The following SAMD5 variants were observed in gnomAD, a reference collection of about 807,000 sequenced individuals.
SAMD5 encodes sterile alpha motif domain-containing protein 5.
In SAMD5, 13 loss-of-function variants were observed where a neutral mutation model predicts 11.3. The observed-to-expected ratio is 1.15, with a 90% CI of 0.75 to 1.83. The LOEUF (loss-of-function observed/expected upper bound fraction) is 1.83, where lower values mean the gene tolerates loss of function less well. Ranked by LOEUF, SAMD5 falls within the 40% of genes most tolerant of loss-of-function variation. SAMD5 has a pLI of 0.00. For synonymous variants in SAMD5, 129 were observed against 111.3 expected (o/e 1.16, Z -1.00); for missense variants, 255 against 239.1 (o/e 1.07, Z -0.44).
At chr6:147,756,053 A>T in the SAMD5 span, among the ~76,000 whole-genome samples, 1 of 152,140 alleles carries the variant, frequency 6.6e-6, no homozygotes, top group African/African-American at 2.4e-5. Context: ...ATTTGCCAGA[A>T]TTTTGGAAAG....
At chr6:147,800,326 C>T in the SAMD5 span, among the ~76,000 whole-genome samples, 45 of 152,284 alleles carry the variant, frequency 3.0e-4, 1 homozygote, top group East Asian at 6.6e-3. Context: ...GAGTACCCTG[C>T]AGTGTGAGGT....
rs79820972 is a variant in SAMD5 at position 147,632,789 on chromosome 6, T to A, written c.163-104528T>A. On this transcript the variant is annotated intron_variant, in intron 1 of 1. Coordinates refer to the SAMD5 transcript ENST00000566741. Reference sequence around the variant, plus strand: ...CCTTAAAAATAATATTATTTTTCCATGGCAGTTGTTAGATTAGTACTACTT... The same window carrying A: ...CCTTAAAAATAATATTATTTTTCCAAGGCAGTTGTTAGATTAGTACTACTT... Among the ~76,000 whole-genome samples the A allele has an allele frequency of 6.8e-3, 1,037 of 152,340 alleles. 11 individuals carry two copies. The highest frequency in any genetic ancestry group is 0.023 in the African/African-American group (973 of 41,574).
the SAMD5 span, among the ~76,000 whole-genome samples, chr6:147,905,111 C>A: frequency 6.6e-6 from 1 of 152,138 alleles, no homozygotes; most frequent in African/African-American, 2.4e-5. Context: ...TGGTCTCGAA[C>A]TCCCGACCTC....
At chr6:147,815,134 G>A in the SAMD5 span, among the ~76,000 whole-genome samples, 6 of 152,310 alleles carry the variant, frequency 3.9e-5, no homozygotes, top group South Asian at 2.1e-4. Context: ...AGGCAGTAAA[G>A]CAAGACCTCA....
the SAMD5 span, among the ~76,000 whole-genome samples, chr6:147,777,631 T>C: frequency 6.6e-6 from 1 of 152,228 alleles, no homozygotes; most frequent in Non-Finnish European, 1.5e-5. Context: ...CTTTCAAAAC[T>C]TTTTATCACC....
At chr6:147,830,328 C>T in the SAMD5 span, among the ~76,000 whole-genome samples, 1 of 135,998 alleles carries the variant, frequency 7.4e-6, no homozygotes, top group Non-Finnish European at 1.5e-5. Flanking sequence ...GCAATCTTGG[C>T]TCACTGCAAC....
the SAMD5 span, among the ~76,000 whole-genome samples, chr6:147,907,408 A>G: frequency 6.6e-6 from 1 of 151,760 alleles, no homozygotes; most frequent in Non-Finnish European, 1.5e-5. Context: ...TGTCCCCCAT[A>G]TTATTAGGTT....
intron 1 of SAMD5, among the ~76,000 whole-genome samples, chr6:147,699,282 T>G (rs1583144450): frequency 6.6e-6 from 1 of 152,292 alleles, no homozygotes; most frequent in East Asian, 1.9e-4. Flanking sequence ...ATGAATGAAT[T>G]GAATACTGGA....
chr6:147,676,380 A>G (rs9403875), intron 1 of SAMD5, among the ~76,000 whole-genome samples: 5 of 151,960 alleles, frequency 3.3e-5, no homozygotes, highest in Admixed American at 3.3e-4. Flanking sequence ...AAGATCATCT[A>G]TTCAGTGGGG....
At chr6:147,574,843 T>C (rs1016547860), downstream of SAMD5, among the ~76,000 whole-genome samples, 1 of 152,186 alleles carries the variant, frequency 6.6e-6, no homozygotes, top group Non-Finnish European at 1.5e-5. Context: ...CCTCACCTCT[T>C]AATACTATCA....
rs1789101659 is a variant in SAMD5, at chr6:147,569,443, C to T, written c.*4987C>T. The stretch of plus-strand genomic sequence containing the variant: ...AACAATTTTGCCAAAATTTCTTCTA[C>T]TGGACCAAAAGGAAATAAATCTACA... On this transcript the variant is annotated 3_prime_UTR_variant, in exon 2 of 2. Transcript: ENST00000367474. 8 of 940,998 alleles carry T rather than the reference C, an allele frequency of 8.5e-6. No individual in the cohort carries two copies. Among genetic ancestry groups the T allele is most frequent in the Non-Finnish European group, 1.0e-5 (8 of 789,522 alleles). The allele number at this position is 940,998 out of a possible 1,614,324, so 58.3% of individuals were successfully genotyped here.
At chr6:147,802,653 A>G in the SAMD5 span, among the ~76,000 whole-genome samples, 2 of 151,262 alleles carry the variant, frequency 1.3e-5, no homozygotes, top group Non-Finnish European at 3.0e-5. Context: ...AAAACAAGCC[A>G]AATGTTCATC....
At chr6:147,808,570 G>C in the SAMD5 span, among the ~76,000 whole-genome samples, 1 of 152,088 alleles carries the variant, frequency 6.6e-6, no homozygotes, top group Non-Finnish European at 1.5e-5. Flanking sequence ...AGAAGTAAGA[G>C]GGTATTTTAT....
intron 1 of SAMD5, among the ~76,000 whole-genome samples, chr6:147,700,052 G>T (rs1200830171): frequency 6.6e-6 from 1 of 152,102 alleles, no homozygotes; most frequent in African/African-American, 2.4e-5. Context: ...GAAATCGAAG[G>T]CCTCAGATCT....
chr6:147,854,179 A>G, the SAMD5 span, among the ~76,000 whole-genome samples: 4 of 152,148 alleles, frequency 2.6e-5, no homozygotes, highest in East Asian at 7.7e-4. Context: ...GAAAGTAGGA[A>G]TTTCCCAGAG....
At chr6:147,669,523 G>A (rs1015673578) in intron 1 of SAMD5, among the ~76,000 whole-genome samples, 1 of 147,058 alleles carries the variant, frequency 6.8e-6, no homozygotes, top group African/African-American at 2.5e-5. Flanking sequence ...TGCTTCCTGG[G>A]TTAAAGCGAC....
At chr6:147,925,811 G>T in the SAMD5 span, among the ~76,000 whole-genome samples, 14,986 of 151,058 alleles carry the variant, frequency 0.099, 936 homozygotes, top group South Asian at 0.15. Flanking sequence ...CAGTGGTTGC[G>T]TTTTCTGCTC....
At chr6:147,531,203 G>A (rs955937443) in intron 1 of SAMD5, among the ~76,000 whole-genome samples, 2 of 149,860 alleles carry the variant, frequency 1.3e-5, no homozygotes, top group African/African-American at 4.9e-5. Context: ...GGTTCTTTAG[G>A]TTCTAAAAAA....
chr6:147,609,584 C>T (rs1298858173), intron 1 of SAMD5, among the ~76,000 whole-genome samples: 1 of 152,174 alleles, frequency 6.6e-6, no homozygotes, highest in Non-Finnish European at 1.5e-5. Context: ...GAATCTCACC[C>T]TGTCGCACAG....
Sources: gnomAD v4.1 joint callset for allele counts (sites outside exome capture counted in the v4.1 genomes callset) on GRCh38, gnomAD v4.1.1 for gene constraint, MANE v1.5 for transcripts, NCBI Gene and HGNC (gene_info 2026-07-23, HGNC 2026-07-21) for gene names.